Variants in ARHGAP26 observed in about 807,000 individuals in gnomAD.
The protein encoded by ARHGAP26 is Rho GTPase activating protein 26.
Under a neutral mutation model 104.8 loss-of-function variants are expected in ARHGAP26, and 38 were observed. That is an observed-to-expected ratio of 0.36 (90% CI 0.28 to 0.48). The LOEUF (loss-of-function observed/expected upper bound fraction) is 0.48. Among genes scored for constraint, ARHGAP26 ranks in the 20% least tolerant of loss-of-function variants. The probability of loss-of-function intolerance (pLI) is 0.99; values close to 1 mark genes in which losing one functional copy is unlikely to be tolerated. For synonymous variants in ARHGAP26, 341 were observed against 340.0 expected, an observed-to-expected ratio of 1.00 and a Z score of -0.03; for missense variants, 704 against 947.9, an observed-to-expected ratio of 0.74 and a Z score of 3.38.
intron 17 of ARHGAP26, among the ~76,000 whole-genome samples, chr5:143,095,030 C>T (rs150350125): frequency 2.0e-3 from 302 of 152,152 alleles, no homozygotes; most frequent in Middle Eastern, 0.017. Context: ...ACTCATGTCT[C>T]TTGGTTTTAA....
intron 20 of ARHGAP26, among the ~76,000 whole-genome samples, chr5:143,197,068 C>T (rs1389847713): frequency 6.6e-6 from 1 of 152,188 alleles, no homozygotes. Flanking sequence ...ATTTTCATTG[C>T]TGTAGAGTGC....
intron 21 of ARHGAP26, among the ~76,000 whole-genome samples, chr5:143,210,737 T>C (rs1809332621): frequency 6.6e-6 from 1 of 152,120 alleles, no homozygotes; most frequent in African/African-American, 2.4e-5. Context: ...GGCGAATGGG[T>C]CATCATTTTG....
At chr5:143,004,269 C>T (rs1777628996) in intron 11 of ARHGAP26, among the ~76,000 whole-genome samples, 1 of 152,152 alleles carries the variant, frequency 6.6e-6, no homozygotes, top group Non-Finnish European at 1.5e-5. Flanking sequence ...CACAAGGACT[C>T]AGATATAGGA....
At chr5:143,000,995 G>A (rs1240366749) in intron 11 of ARHGAP26, among the ~76,000 whole-genome samples, 1 of 151,918 alleles carries the variant, frequency 6.6e-6, no homozygotes, top group African/African-American at 2.4e-5. Flanking sequence ...GTATACCTAT[G>A]TAACAAACCT....
Position 143,117,533 on chromosome 5 carries a change from A to T in ARHGAP26, c.1539-3455A>T, listed in dbSNP as rs189899384. 4.5e-4 allele frequency among the ~76,000 whole-genome samples: 69 copies of T among 152,310 alleles called. 1 individual carries two copies. Among genetic ancestry groups the T allele is most frequent in the Middle Eastern group, 6.8e-3 (2 of 294 alleles). Reference sequence around the variant, plus strand: ...AATGGTCATTAATAATGAAAGGTGTAACTCTTCCCACCCAAAAAAAAGTTT... The same window carrying T: ...AATGGTCATTAATAATGAAAGGTGTTACTCTTCCCACCCAAAAAAAAGTTT... On this transcript the variant is annotated intron_variant, in intron 17 of 22. Coordinates refer to ENST00000645722, the MANE Select transcript of ARHGAP26 (RefSeq NM_001135608.3).
chr5:143,144,537 A>G (rs1320998972), intron 19 of ARHGAP26, among the ~76,000 whole-genome samples: 1 of 152,056 alleles, frequency 6.6e-6, no homozygotes, highest in South Asian at 2.1e-4. Flanking sequence ...TCCCAAGTAC[A>G]TGGGACCACA....
At chr5:143,066,089 TC>T (rs1029162018) in intron 17 of ARHGAP26, among the ~76,000 whole-genome samples, 2 of 152,312 alleles carry the variant, frequency 1.3e-5, no homozygotes, top group Admixed American at 1.3e-4. Context: ...ATGACAGTGG[TC>T]CCTTAAGATT....
At chr5:143,174,284 G>A (rs911779495) in intron 20 of ARHGAP26, among the ~76,000 whole-genome samples, 13 of 152,208 alleles carry the variant, frequency 8.5e-5, no homozygotes, top group African/African-American at 3.1e-4. Context: ...GAACGAGGAG[G>A]CAACTTTTCG....
intron 9 of ARHGAP26, among the ~76,000 whole-genome samples, chr5:142,912,206 C>G (rs973164159): frequency 3.3e-5 from 5 of 152,152 alleles, no homozygotes; most frequent in Non-Finnish European, 7.4e-5. Flanking sequence ...TTCAGTTGAA[C>G]AATGGAATAC....
intron 20 of ARHGAP26, among the ~76,000 whole-genome samples, chr5:143,171,259 CA>C (rs1263474417): frequency 6.6e-6 from 1 of 152,132 alleles, no homozygotes; most frequent in Non-Finnish European, 1.5e-5. Context: ...AACTGGGTTT[CA>C]GGGGGATAAA....
chr5:143,060,084 G>A (rs1198971387), intron 17 of ARHGAP26, among the ~76,000 whole-genome samples: 1 of 152,142 alleles, frequency 6.6e-6, no homozygotes, highest in Non-Finnish European at 1.5e-5. Context: ...TTAAAATCAA[G>A]CAGTAAGGGA....
At chr5:142,969,773 G>C (rs547418680) in intron 11 of ARHGAP26, among the ~76,000 whole-genome samples, 1 of 152,030 alleles carries the variant, frequency 6.6e-6, no homozygotes, top group East Asian at 1.9e-4. Flanking sequence ...AGTGTATCAC[G>C]GCCCCTGAAG....
intron 10 of ARHGAP26, among the ~76,000 whole-genome samples, chr5:142,919,664 A>G (rs1762943296): frequency 6.6e-6 from 1 of 152,066 alleles, no homozygotes; most frequent in South Asian, 2.1e-4. Flanking sequence ...TTATTTTTTT[A>G]CATGATTATA....
chr5:142,944,857 T>C (rs931278481), intron 11 of ARHGAP26, among the ~76,000 whole-genome samples: 29 of 152,206 alleles, frequency 1.9e-4, no homozygotes, highest in African/African-American at 6.8e-4. Flanking sequence ...GTTTCGCTTG[T>C]GTTCTTTCCT....
At chr5:143,167,506 AAAAAAAAAAAAAG>A (rs1802160494) in intron 20 of ARHGAP26, among the ~76,000 whole-genome samples, 2 of 128,916 alleles carry the variant, frequency 1.6e-5, no homozygotes, top group African/African-American at 5.4e-5. Context: ...AAAAAAAAAA[AAAAAAAAAAAAAG>A]AAATCCATTG....
chr5:142,961,469 G>C (rs1284667301), intron 11 of ARHGAP26, among the ~76,000 whole-genome samples: 1 of 152,138 alleles, frequency 6.6e-6, no homozygotes, highest in Non-Finnish European at 1.5e-5. Context: ...TCTAGCCTGA[G>C]TGACAAAACA....
At chr5:142,844,941 C>A (rs1771632581) in intron 1 of ARHGAP26, among the ~76,000 whole-genome samples, 1 of 151,970 alleles carries the variant, frequency 6.6e-6, no homozygotes, top group Non-Finnish European at 1.5e-5. Flanking sequence ...CTCTCTGATG[C>A]CTGCTGAACT....
chr5:142,962,970 T>A (rs1006404918), intron 11 of ARHGAP26, among the ~76,000 whole-genome samples: 3 of 151,798 alleles, frequency 2.0e-5, no homozygotes, highest in Non-Finnish European at 4.4e-5. Flanking sequence ...CACTCTCAAG[T>A]AGGCTCCAGT....
intron 11 of ARHGAP26, among the ~76,000 whole-genome samples, chr5:142,934,184 C>G (rs1276666643): frequency 1.3e-5 from 2 of 152,194 alleles, no homozygotes; most frequent in Non-Finnish European, 1.5e-5. Flanking sequence ...CTCTCCCCAC[C>G]ACTTAGATAT....
Sources: allele counts gnomAD v4.1 joint callset (sites outside exome capture counted in the v4.1 genomes callset), GRCh38; gene constraint gnomAD v4.1.1; transcripts MANE v1.5; gene names NCBI Gene and HGNC (gene_info 2026-07-23, HGNC 2026-07-21).